The following PIK3R6 variants were observed in gnomAD, a reference collection of about 807,000 sequenced individuals.
PIK3R6 encodes phosphoinositide 3-kinase regulatory subunit 6.
PIK3R6 carries 91 observed loss-of-function variants against 84.9 expected under a neutral mutation model. That is an observed-to-expected ratio of 1.07 (90% confidence interval 0.90 to 1.28). The LOEUF is 1.28. Among genes scored for constraint, PIK3R6 ranks in the 50% most tolerant of loss-of-function variants. The pLI is 0.00. For missense variants in PIK3R6, 996 were observed against 985.1 expected, an observed-to-expected ratio of 1.01 and a Z score of -0.15; for synonymous variants, 416 against 411.4, an observed-to-expected ratio of 1.01 and a Z score of -0.13.
At chr17:8,811,546 C>T (rs774451208) in intron 18 of PIK3R6, among the ~76,000 whole-genome samples, 1 of 148,340 alleles carries the variant, frequency 6.7e-6, no homozygotes, top group Non-Finnish European at 1.5e-5. Context: ...AACTGAATGC[C>T]TTTAACAGCA....
chr17:8,849,540 A>G (rs66895439), intron 2 of PIK3R6, among the ~76,000 whole-genome samples: 5,556 of 152,346 alleles, frequency 0.036, 173 homozygotes, highest in African/African-American at 0.087. Context: ...AATCTTGGCT[A>G]TTCTTGTCAT....
intron 1 of PIK3R6, among the ~76,000 whole-genome samples, chr17:8,851,656 G>A (rs921137849): frequency 6.6e-6 from 1 of 152,232 alleles, no homozygotes; most frequent in African/African-American, 2.4e-5. Flanking sequence ...GTGGTGCATT[G>A]CTGGTGGGAA....
At chr17:8,864,683 G>T (rs999183158) in intron 1 of PIK3R6, among the ~76,000 whole-genome samples, 1 of 151,664 alleles carries the variant, frequency 6.6e-6, no homozygotes, top group Non-Finnish European at 1.5e-5. Context: ...GACCACAGGC[G>T]CCCGCCACCA....
chr17:8,827,648 TC>T (rs2087968932), intron 12 of PIK3R6, among the ~76,000 whole-genome samples: 1 of 151,004 alleles, frequency 6.6e-6, no homozygotes, highest in South Asian at 2.1e-4. Context: ...CACAACTAGA[TC>T]AATGGACTTC....
In PIK3R6 at chr17:8,827,246, G is replaced by A. The variant is rs572741907; in HGVS notation, c.1441C>T (p.Leu481=). ...QPELGELATF[L]GRVDPWYQSN... is the part of the protein sequence containing the mutation. ...TGGTACCACGGGTCTACGCGGCCCA[G>A]GAACGTAGCCAGCTCTCCCAGCTCC... The change falls in exon 13 of 20, where the codon CTG becomes TTG. Residue 481 remains leucine (L), a synonymous_variant. Coordinates refer to ENST00000619866, the MANE Select transcript of PIK3R6 (RefSeq NM_001010855.4). 3.2e-6 allele frequency: 5 copies of A among 1,586,612 alleles called. No individual in the cohort carries two copies. The East Asian group carries it at 1.2e-4, about 37-fold the overall frequency.
intron 13 of PIK3R6, among the ~76,000 whole-genome samples, chr17:8,826,804 T>C (rs920599573): frequency 2.2e-4 from 34 of 151,698 alleles, no homozygotes; most frequent in Non-Finnish European, 5.9e-5. Flanking sequence ...TAAAAATAAA[T>C]AGATAAATGA....
rs2087637965 is a variant in PIK3R6, at chr17:8,819,181, A to G, written c.1897T>C (p.Cys633Arg). 1 of 1,608,416 alleles carries G rather than the reference A, an allele frequency of 6.2e-7. No homozygotes were observed. The highest frequency in any genetic ancestry group is 8.5e-7 in the Non-Finnish European group (1 of 1,177,090). ...SDTEVSGSSH[C>R]PLPAAPVTDH... ...GTGACAGGAGCAGCAGGCAGGGGGC[A>G]ATGGCTAGACCCTGAAACTGAATGA... The change falls in exon 18 of 20, where the codon TGC (cysteine) becomes CGC (arginine). Residue 633 changes from cysteine (C) to arginine (R), a missense_variant. Physicochemically the swap from Cys to Arg is radical, Grantham distance 180. Coordinates refer to ENST00000619866, the MANE Select transcript of PIK3R6 (RefSeq NM_001010855.4).
intron 18 of PIK3R6, among the ~76,000 whole-genome samples, chr17:8,817,510 C>T (rs944440787): frequency 2.0e-5 from 3 of 152,020 alleles, no homozygotes; most frequent in Non-Finnish European, 2.9e-5. Flanking sequence ...GGCATGGAGG[C>T]ATGTGCCTGT....
rs868504241 is a variant in PIK3R6, at chr17:8,860,290, G to A, written c.-92+7239C>T. ...CCGCCTGAGCTCCGCCTCCTGGGGC[G>A]GGGGGCGGTGTGGGCATAAGATTCT... On this transcript the variant is annotated intron_variant, in intron 1 of 19. Transcript: ENST00000619866. 3.8e-5 allele frequency among the ~76,000 whole-genome samples: 5 copies of A among 130,660 alleles called. No individual in the cohort carries two copies. In the South Asian group the frequency reaches 8.3e-4, roughly 22 times the overall value. The allele number at this position is 130,660 out of a possible 152,430, so 85.7% of individuals were successfully genotyped here. A position where few individuals can be genotyped will look rare whatever the true frequency, so the allele number is the denominator to read the frequency against.
At chr17:8,821,080 T>A (rs2087716664) in intron 17 of PIK3R6, among the ~76,000 whole-genome samples, 1 of 152,228 alleles carries the variant, frequency 6.6e-6, no homozygotes, top group Non-Finnish European at 1.5e-5. Flanking sequence ...GAACAAGATA[T>A]AATTCTGCCT....
chr17:8,828,682 G>T lies in PIK3R6; in HGVS notation c.1198C>A (p.Pro400Thr). ...PPGLHRRTGRPSGDGEMLPGV... is the reference protein window; with the variant it reads ...PPGLHRRTGRTSGDGEMLPGV... ...GGCAGCATTTCCCCATCCCCACTGG[G>T]CCGGCCTGTCCTCCGGTGCAGCCCT... The change falls in exon 11 of 20, where the codon CCC (proline) becomes ACC (threonine). Residue 400 changes from proline (P) to threonine (T), a missense_variant. Physicochemically the swap from Pro to Thr is conservative, Grantham distance 38. Transcript: ENST00000619866. 6.2e-7 allele frequency: 1 copy of T among 1,611,976 alleles called. No homozygotes were observed.
At chr17:8,810,883 C>T (rs1008629213) in intron 18 of PIK3R6, among the ~76,000 whole-genome samples, 1 of 148,596 alleles carries the variant, frequency 6.7e-6, no homozygotes, top group Non-Finnish European at 1.5e-5. Context: ...GGCACACGTG[C>T]AAGCTGTCAG....
At chr17:8,836,441 C>G in intron 7 of PIK3R6, 106 bp downstream of exon 7, 1 of 1,221,276 alleles carries the variant, frequency 8.2e-7, no homozygotes, top group East Asian at 2.4e-5. Context: ...TCTGCTAGGG[C>G]TCTTCTTAAT....
chr17:8,822,016 C>T, intron 16 of PIK3R6, 80 bp from the exon 17 acceptor site: 1 of 1,158,084 alleles, frequency 8.6e-7, no homozygotes, highest in Middle Eastern at 2.1e-4. Context: ...CACAGTCTTG[C>T]CTCTCTCCCC....
At chr17:8,820,630 G>A (rs2087704061) in intron 17 of PIK3R6, among the ~76,000 whole-genome samples, 1 of 152,188 alleles carries the variant, frequency 6.6e-6, no homozygotes, top group Non-Finnish European at 1.5e-5. Context: ...GTCCTGCTGT[G>A]ATGGAGTTTT....
At chr17:8,808,113 A>G (rs2087255319) in intron 18 of PIK3R6, among the ~76,000 whole-genome samples, 1 of 151,870 alleles carries the variant, frequency 6.6e-6, no homozygotes, top group African/African-American at 2.4e-5. Flanking sequence ...ACCAGGGATG[A>G]CTCCTGGGTT....
Position 8,839,548 on chromosome 17 carries a change from G to GGC in PIK3R6, c.97+65_97+66insGC. Reference sequence around the variant, plus strand: ...GGCCGGGGCTCTTTCCTGTATGCGCGTGTATTGTTGGCTGGGGTTGGGTGG... The same window carrying GGC: ...GGCCGGGGCTCTTTCCTGTATGCGCGGCTGTATTGTTGGCTGGGGTTGGGTGG... On this transcript the variant is annotated intron_variant, in intron 3 of 19. Transcript: ENST00000619866. This position sits in a 1 kb window ranked among gnomAD's most constrained non-coding sequence, Gnocchi z 4.2. The GGC allele has an allele frequency of 7.5e-7, 1 of 1,325,542 alleles. No homozygotes were observed. Among genetic ancestry groups the GGC allele is most frequent in the Non-Finnish European group, 1.1e-6 (1 of 950,866 alleles). 82.1% of individuals were successfully genotyped at this position (1,325,542 alleles called of 1,614,324 possible).
intron 9 of PIK3R6, among the ~76,000 whole-genome samples, chr17:8,832,367 C>T (rs890958040): frequency 1.4e-5 from 2 of 148,078 alleles, no homozygotes; most frequent in Non-Finnish European, 3.0e-5. Flanking sequence ...GACCAAATTA[C>T]CCACCTTCTT....
At chr17:8,814,021 GC>G (rs367974363) in intron 18 of PIK3R6, among the ~76,000 whole-genome samples, 4 of 152,078 alleles carry the variant, frequency 2.6e-5, no homozygotes, top group African/African-American at 9.6e-5. Flanking sequence ...CTCATCCCTG[GC>G]CCCCTTTACT....
Sources: gnomAD v4.1 joint callset for allele counts (sites outside exome capture counted in the v4.1 genomes callset) on GRCh38, gnomAD v4.1.1 for gene constraint, Gnocchi (gnomAD v3.1) non-coding constraint, MANE v1.5 for transcripts, NCBI Gene and HGNC (gene_info 2026-07-23, HGNC 2026-07-21) for gene names.